The following CCNJL variants were observed in gnomAD, a reference collection of about 807,000 sequenced individuals.
CCNJL encodes the protein cyclin J like.
CCNJL carries 33 observed loss-of-function variants against 33.4 expected under a neutral mutation model. That is an observed-to-expected ratio of 0.99 (90% CI 0.75 to 1.32). CCNJL has a LOEUF of 1.32. Among genes scored for constraint, CCNJL ranks in the 40% most tolerant of loss-of-function variants. CCNJL has a pLI of 0.00. For synonymous variants in CCNJL, 227 were observed against 220.9 expected, an observed-to-expected ratio of 1.03 and a Z score of -0.24; for missense variants, 512 against 499.7, an observed-to-expected ratio of 1.02 and a Z score of -0.23.
chr5:160,290,254 C>A (rs550133475), intron 2 of CCNJL, among the ~76,000 whole-genome samples: 1 of 151,420 alleles, frequency 6.6e-6, no homozygotes, highest in Non-Finnish European at 1.5e-5. Context: ...AAAGTCACTT[C>A]TTTTTTTTCT....
chr5:160,284,050 C>T (rs1177540959), intron 2 of CCNJL, among the ~76,000 whole-genome samples: 3 of 152,120 alleles, frequency 2.0e-5, no homozygotes, highest in Non-Finnish European at 4.4e-5. Context: ...CTTGACTGCA[C>T]GTTAAAAAAG....
rs138792409 is a variant in CCNJL, at chr5:160,293,810, G to A, written c.67-13072C>T. On this transcript the variant is annotated intron_variant, in intron 2 of 5. Transcript: ENST00000257536. Reference sequence around the variant, plus strand: ...TCTTGGGCTTGGACATCAGAGGAGCGGGCCAGGGCTTGGGGTATGACAATA... The same window carrying A: ...TCTTGGGCTTGGACATCAGAGGAGCAGGCCAGGGCTTGGGGTATGACAATA... 6.9e-3 allele frequency among the ~76,000 whole-genome samples: 1,055 copies of A among 152,274 alleles called. 13 individuals are homozygous for A. The highest frequency in any genetic ancestry group is 0.024 in the African/African-American group (1,015 of 41,526).
upstream of CCNJL, chr5:160,313,003 G>T (rs1362889146): frequency 6.6e-6 from 1 of 151,892 alleles, no homozygotes; most frequent in African/African-American, 2.4e-5. Context: ...CTGCCATGGG[G>T]AGGTAGATTT....
chr5:160,302,255 AG>A (rs147471978), intron 2 of CCNJL, among the ~76,000 whole-genome samples: 14,642 of 152,264 alleles, frequency 0.096, 772 homozygotes, highest in South Asian at 0.2. Flanking sequence ...GCAGAAGGAC[AG>A]AAAATGACAT....
At chr5:160,328,605 AG>A (rs1763567990) in intron 1 of CCNJL, among the ~76,000 whole-genome samples, 1 of 150,886 alleles carries the variant, frequency 6.6e-6, no homozygotes, top group Non-Finnish European at 1.5e-5. Context: ...AAAAAAAAAA[AG>A]ACTGGGCTTA....
At chr5:160,286,298 G>T (rs560095890) in intron 2 of CCNJL, among the ~76,000 whole-genome samples, 1 of 152,326 alleles carries the variant, frequency 6.6e-6, no homozygotes, top group South Asian at 2.1e-4. Context: ...CCTGGGAGAA[G>T]CGTCCTTTGC....
Position 160,299,472 on chromosome 5 carries a change from T to C in CCNJL, c.66+12386A>G, listed in dbSNP as rs9918236. The stretch of plus-strand genomic sequence containing the variant: ...CAGCTTAAAAGACGCTAAAAAAAAA[T>C]GTAATGCATGGACTTTATCTGGATT... On this transcript the variant is annotated intron_variant, in intron 2 of 5. Transcript: ENST00000257536. Among the ~76,000 whole-genome samples the C allele has an allele frequency of 4.6e-3, 703 of 152,122 alleles. 2 individuals carry two copies. Among genetic ancestry groups the C allele is most frequent in the African/African-American group, 0.015 (638 of 41,462 alleles).
intron 3 of CCNJL, among the ~76,000 whole-genome samples, chr5:160,272,988 T>C (rs1164754227): frequency 6.6e-6 from 1 of 152,210 alleles, no homozygotes; most frequent in African/African-American, 2.4e-5. Flanking sequence ...CAAAGGACTT[T>C]GCAGTCAATA....
In CCNJL at chr5:160,292,685, T is replaced by TTA. The variant is rs199711109; in HGVS notation, c.67-11949_67-11948dup. Among the ~76,000 whole-genome samples, 312 of 150,100 alleles carry TTA rather than the reference T, an allele frequency of 2.1e-3. 1 individual carries two copies. The highest frequency in any genetic ancestry group is 5.7e-3 in the South Asian group (27 of 4,774). On this transcript the variant is annotated intron_variant, in intron 2 of 5. Transcript: ENST00000257536. ...GTGTGTGTATATATATATAGTAGTT[T>TTA]TATATATATATATATAACTTGAAAG...
At chr5:160,315,328 C>G (rs916526702), upstream of CCNJL, 1 of 149,136 alleles carries the variant, frequency 6.7e-6, no homozygotes, top group African/African-American at 2.9e-5. Context: ...AACACACACA[C>G]ACACACACAC....
intron 3 of CCNJL, among the ~76,000 whole-genome samples, chr5:160,278,782 G>A (rs543784692): frequency 1.3e-5 from 2 of 152,352 alleles, no homozygotes; most frequent in East Asian, 1.9e-4. Flanking sequence ...ACAGATCACA[G>A]ACAGCAGCAG....
upstream of CCNJL, chr5:160,315,356 C>T (rs1763369782): frequency 2.9e-6 from 1 of 340,246 alleles, no homozygotes; most frequent in South Asian, 2.1e-5. Context: ...CACACACACA[C>T]ACTAGCCAGG....
intron 1 of CCNJL, among the ~76,000 whole-genome samples, chr5:160,333,993 T>C (rs955290664): frequency 6.6e-5 from 10 of 152,178 alleles, no homozygotes; most frequent in Non-Finnish European, 1.2e-4. Flanking sequence ...CCAACAATCG[T>C]ATTCTCCACC....
intron 3 of CCNJL, among the ~76,000 whole-genome samples, chr5:160,272,389 T>C (rs1162662782): frequency 1.3e-5 from 2 of 152,242 alleles, no homozygotes; most frequent in Non-Finnish European, 2.9e-5. Context: ...TGGCAGGCAA[T>C]AGCTTTTAGT....
At chr5:160,319,758 G>A (rs376988989) in intron 1 of CCNJL, among the ~76,000 whole-genome samples, 1 of 152,152 alleles carries the variant, frequency 6.6e-6, no homozygotes, top group East Asian at 1.9e-4. Context: ...TAGTGAGACC[G>A]TTTCTACAAT....
intron 4 of CCNJL, among the ~76,000 whole-genome samples, chr5:160,257,755 T>A (rs1197343027): frequency 6.6e-6 from 1 of 152,060 alleles, no homozygotes; most frequent in Non-Finnish European, 1.5e-5. Context: ...GGGGTTGCTG[T>A]GAGGTTCAAA....
chr5:160,273,644 T>G (rs1321251167), intron 3 of CCNJL, among the ~76,000 whole-genome samples: 2 of 139,474 alleles, frequency 1.4e-5, no homozygotes, highest in Non-Finnish European at 3.1e-5. Context: ...TGCCGCCACT[T>G]TTTTTTTTTT....
intron 1 of CCNJL, chr5:160,326,575 T>G (rs1763539363): frequency 7.8e-6 from 3 of 382,356 alleles, no homozygotes; most frequent in African/African-American, 6.7e-5. Context: ...ACTGCCAATA[T>G]AAATTAAATG....
chr5:160,311,708 C>T (rs1311979652), intron 2 of CCNJL, 150 bp downstream of exon 2: 7 of 721,808 alleles, frequency 9.7e-6, no homozygotes, highest in Non-Finnish European at 1.7e-5. Flanking sequence ...CCCAATTCCG[C>T]TCAGACACTC....
Sources: allele counts gnomAD v4.1 joint callset (sites outside exome capture counted in the v4.1 genomes callset), GRCh38; gene constraint gnomAD v4.1.1; transcripts MANE v1.5; gene names NCBI Gene and HGNC (gene_info 2026-07-23, HGNC 2026-07-21).